ICA1: variants seen among roughly 807,000 people sequenced by gnomAD.
ICA1 encodes the protein 69 kDa islet cell autoantigen.
A neutral mutation model predicts 71.0 loss-of-function variants in ICA1; 40 were observed. That is an observed-to-expected ratio of 0.56 (90% CI 0.44 to 0.73). The LOEUF (loss-of-function observed/expected upper bound fraction) is 0.73, where lower values mean the gene tolerates loss of function less well. ICA1 is among the 30% of genes least tolerant of loss of function. The pLI is 0.00. For missense variants in ICA1, 578 were observed against 576.5 expected (o/e 1.00, Z -0.03); for synonymous variants, 207 against 209.5 (o/e 0.99, Z 0.10).
At chr7:8,206,733 GAAAAAAAAAAAAA>G (rs60704635) in intron 6 of ICA1, among the ~76,000 whole-genome samples, 7 of 135,618 alleles carry the variant, frequency 5.2e-5, no homozygotes, top group African/African-American at 6.3e-5. Flanking sequence ...GGTTTAAAAT[GAAAAAAAAAAAAA>G]AAAAAAAAAG....
intron 6 of ICA1, among the ~76,000 whole-genome samples, chr7:8,191,379 T>C (rs984519011): frequency 2.6e-5 from 4 of 152,242 alleles, no homozygotes; most frequent in African/African-American, 9.6e-5. Flanking sequence ...AAGCAACATG[T>C]ATTCAGCAGA....
Position 8,158,670 on chromosome 7 carries a change from A to C in ICA1, c.580-18T>G, listed in dbSNP as rs756843206. The C allele has an allele frequency of 1.9e-6, 3 of 1,613,490 alleles. No homozygotes were observed. Among genetic ancestry groups the C allele is most frequent in the Non-Finnish European group, 2.5e-6 (3 of 1,179,754 alleles). ...GTTTGTACCTATGAAAATAAAGAGG[A>C]ATTTCTGAATCACCCTAACCCTTAA... On this transcript the variant is annotated intron_variant, in intron 6 of 13. Transcript: ENST00000402384.
At chr7:8,259,931 C>G (rs1486611315) in intron 1 of ICA1, among the ~76,000 whole-genome samples, 1 of 152,010 alleles carries the variant, frequency 6.6e-6, no homozygotes, top group Non-Finnish European at 1.5e-5. Context: ...TCTATGTTGC[C>G]TCATGGACAA....
intron 6 of ICA1, among the ~76,000 whole-genome samples, chr7:8,201,724 G>A (rs1278442103): frequency 6.6e-6 from 1 of 152,246 alleles, no homozygotes; most frequent in Non-Finnish European, 1.5e-5. Context: ...ATGGAAAGAA[G>A]AGGGAGGTGG....
At chr7:8,219,624 A>T (rs931472275) in intron 5 of ICA1, among the ~76,000 whole-genome samples, 1 of 152,254 alleles carries the variant, frequency 6.6e-6, no homozygotes, top group African/African-American at 2.4e-5. Flanking sequence ...GATGTTGCAG[A>T]TTATTTTCAA....
At chr7:8,197,395 A>G (rs1788017602) in intron 6 of ICA1, among the ~76,000 whole-genome samples, 2 of 151,654 alleles carry the variant, frequency 1.3e-5, no homozygotes, top group Admixed American at 6.6e-5. Context: ...TCTACTAAAA[A>G]TACAAAAATT....
intron 8 of ICA1, among the ~76,000 whole-genome samples, chr7:8,150,842 C>T (rs931246739): frequency 1.3e-5 from 2 of 152,238 alleles, no homozygotes; most frequent in African/African-American, 4.8e-5. Context: ...TCCTCCCTTC[C>T]TGCCCCATGT....
At chr7:8,240,782 C>T (rs1233500660) in intron 1 of ICA1, among the ~76,000 whole-genome samples, 1 of 152,164 alleles carries the variant, frequency 6.6e-6, no homozygotes, top group East Asian at 1.9e-4. Flanking sequence ...GCTTCAACAG[C>T]TGATTCAATC....
intron 1 of ICA1, among the ~76,000 whole-genome samples, chr7:8,240,417 T>C (rs560268920): frequency 1.4e-4 from 22 of 152,148 alleles, no homozygotes; most frequent in African/African-American, 4.8e-4. Flanking sequence ...CTGTAGGTCA[T>C]CAACATCAAA....
At chr7:8,156,039 C>T (rs963360165) in intron 8 of ICA1, among the ~76,000 whole-genome samples, 1 of 152,188 alleles carries the variant, frequency 6.6e-6, no homozygotes, top group East Asian at 1.9e-4. Flanking sequence ...AATGGGCGGG[C>T]GGCCAGCTGG....
At chr7:8,127,678 G>A (rs1376260323) in intron 13 of ICA1, among the ~76,000 whole-genome samples, 195 bp downstream of exon 13, 1 of 152,010 alleles carries the variant, frequency 6.6e-6, no homozygotes, top group African/African-American at 2.4e-5. Flanking sequence ...GCTAACACAG[G>A]GGAGAATTAT....
intron 12 of ICA1, among the ~76,000 whole-genome samples, chr7:8,133,312 C>T (rs1359716353): frequency 6.6e-6 from 1 of 151,988 alleles, no homozygotes; most frequent in Non-Finnish European, 1.5e-5. Flanking sequence ...CTTGTTTTTT[C>T]TTTATAGAGT....
In ICA1 at chr7:8,114,003, G is replaced by C; in HGVS notation, c.1372C>G (p.Leu458Val). 6.2e-7 allele frequency: 1 copy of C among 1,614,124 alleles called. No homozygotes were observed. Among genetic ancestry groups the C allele is most frequent in the Non-Finnish European group, 8.5e-7 (1 of 1,179,980 alleles). Residue 458 changes from leucine (L) to valine (V), a missense_variant, in exon 14 of 14, where the codon CTC becomes GTC. By Grantham distance (32) the Leu-to-Val change is conservative (BLOSUM62 1). Coordinates refer to ENST00000402384, the MANE Select transcript of ICA1 (RefSeq NM_001136020.3). ...AASDLTAWFSLFADLDPLSNP... is the reference protein window; with the variant it reads ...AASDLTAWFSVFADLDPLSNP... ...GAGAGTGGGTCGAGGTCAGCGAAGAGGCTGAACCAGGCAGTCAGGTCTGAG... is the reference window on the plus strand; with the variant it reads ...GAGAGTGGGTCGAGGTCAGCGAAGACGCTGAACCAGGCAGTCAGGTCTGAG...
At chr7:8,176,124 T>C (rs1459243691) in intron 6 of ICA1, among the ~76,000 whole-genome samples, 1 of 152,232 alleles carries the variant, frequency 6.6e-6, no homozygotes, top group African/African-American at 2.4e-5. Context: ...TGGGGTTGGA[T>C]GTTGTCTCCT....
chr7:8,163,010 C>T (rs777787314), intron 6 of ICA1, among the ~76,000 whole-genome samples: 5 of 152,160 alleles, frequency 3.3e-5, no homozygotes, highest in African/African-American at 9.7e-5. Flanking sequence ...AAAATCCGCC[C>T]GCCTTGGCCT....
chr7:8,191,343 G>C (rs1175991113), intron 6 of ICA1, among the ~76,000 whole-genome samples: 13 of 152,188 alleles, frequency 8.5e-5, no homozygotes, highest in Non-Finnish European at 1.6e-4. Context: ...GTTTGACTTA[G>C]AGTTTTTGAC....
At chr7:8,200,074 A>G (rs966585704) in intron 6 of ICA1, among the ~76,000 whole-genome samples, 15 of 152,244 alleles carry the variant, frequency 9.9e-5, no homozygotes, top group African/African-American at 3.1e-4. Flanking sequence ...TGAATTGTTT[A>G]TAACACAAAA....
chr7:8,256,926 T>C (rs1366667986), intron 1 of ICA1, among the ~76,000 whole-genome samples: 1 of 152,216 alleles, frequency 6.6e-6, no homozygotes, highest in Non-Finnish European at 1.5e-5. Flanking sequence ...GAAGGGGATA[T>C]CAACCCATTT....
intron 1 of ICA1, among the ~76,000 whole-genome samples, chr7:8,237,874 G>A (rs1252043983): frequency 6.6e-6 from 1 of 150,958 alleles, no homozygotes; most frequent in Non-Finnish European, 1.5e-5. Context: ...AACCATTCAT[G>A]TGTCAATGGA....
Sources: allele counts gnomAD v4.1 joint callset (sites outside exome capture counted in the v4.1 genomes callset), GRCh38; gene constraint gnomAD v4.1.1; transcripts MANE v1.5; gene names NCBI Gene and HGNC (gene_info 2026-07-23, HGNC 2026-07-21).